The following RNF150 variants were observed in gnomAD, a reference collection of about 807,000 sequenced individuals.
The protein encoded by RNF150 is ring finger protein 150.
In RNF150, 24 loss-of-function variants were observed where a neutral mutation model predicts 39.3. The observed-to-expected ratio is 0.61, with a 90% CI of 0.44 to 0.86. The LOEUF is 0.86. Ranked by LOEUF, RNF150 falls within the 40% of genes least tolerant of loss-of-function variation. RNF150 has a pLI of 0.00. For synonymous variants in RNF150, 255 were observed against 227.3 expected (o/e 1.12, Z -1.10); for missense variants, 502 against 587.8 (o/e 0.85, Z 1.51).
chr4:140,976,414 G>A (rs1196808956), intron 1 of RNF150, among the ~76,000 whole-genome samples: 2 of 151,888 alleles, frequency 1.3e-5, no homozygotes, highest in Non-Finnish European at 2.9e-5. Flanking sequence ...GAATCTCAGT[G>A]TTTGCGAGGA....
At chr4:140,885,014 T>C (rs1291394183) in intron 6 of RNF150, among the ~76,000 whole-genome samples, 1 of 152,094 alleles carries the variant, frequency 6.6e-6, no homozygotes, top group Non-Finnish European at 1.5e-5. Context: ...CCAAAGACAA[T>C]TGGTCTATAC....
At chr4:140,915,734 G>A (rs955519512) in intron 5 of RNF150, among the ~76,000 whole-genome samples, 50 of 152,132 alleles carry the variant, frequency 3.3e-4, no homozygotes, top group Admixed American at 2.0e-3. Context: ...ATCTGAGAAC[G>A]GGCAGACTGC....
intron 2 of RNF150, among the ~76,000 whole-genome samples, chr4:140,960,863 C>CCAAGAA (rs1732993043): frequency 6.6e-6 from 1 of 152,092 alleles, no homozygotes; most frequent in Non-Finnish European, 1.5e-5. Context: ...CCAAGAATTG[C>CCAAGAA]TTTATCCACT....
At chr4:141,103,754 T>A (rs2111042548) in intron 1 of RNF150, among the ~76,000 whole-genome samples, 1 of 152,186 alleles carries the variant, frequency 6.6e-6, no homozygotes, top group Middle Eastern at 3.4e-3. Context: ...ACAACTAATA[T>A]AAAAGGTTAA....
At chr4:141,179,523 C>T (rs528516058) in intron 1 of RNF150, among the ~76,000 whole-genome samples, 1 of 152,200 alleles carries the variant, frequency 6.6e-6, no homozygotes, top group Non-Finnish European at 1.5e-5. Flanking sequence ...TGTCCTTTCA[C>T]AACTGCTTAA....
chr4:141,175,746 T>C lies in RNF150; in HGVS notation c.-6+37048A>G, dbSNP rs142688793. On this transcript the variant is annotated intron_variant, in intron 1 of 7. Coordinates refer to the RNF150 transcript ENST00000420921. ...AACAGAAATCTATTTCTCACAATTC[T>C]GGAGGCTGGAAGTTCAAGATCAAGT... is the stretch of plus-strand genomic sequence containing the variant. Among the ~76,000 whole-genome samples the C allele has an allele frequency of 8.7e-3, 1,330 of 152,344 alleles. 6 individuals are homozygous for C. The highest frequency in any genetic ancestry group is 0.014 in the Non-Finnish European group (942 of 68,032).
At chr4:140,972,159 T>C (rs1268136080) in intron 1 of RNF150, among the ~76,000 whole-genome samples, 2 of 152,164 alleles carry the variant, frequency 1.3e-5, no homozygotes, top group East Asian at 3.8e-4. Flanking sequence ...ATATTTTCTA[T>C]TTGTACACTT....
chr4:141,179,263 C>T (rs1727865188), intron 1 of RNF150, among the ~76,000 whole-genome samples: 2 of 152,008 alleles, frequency 1.3e-5, no homozygotes, highest in African/African-American at 2.4e-5. Flanking sequence ...ACTGTCTCCT[C>T]CTGGAATTTG....
At chr4:141,080,143 T>G (rs1046201814) in intron 1 of RNF150, among the ~76,000 whole-genome samples, 1 of 152,184 alleles carries the variant, frequency 6.6e-6, no homozygotes, top group Non-Finnish European at 1.5e-5. Flanking sequence ...AGAAAACCTC[T>G]TCCTAGGGAA....
chr4:141,157,241 TCA>T, intron 1 of RNF150, among the ~76,000 whole-genome samples: 2 of 152,274 alleles, frequency 1.3e-5, no homozygotes, highest in East Asian at 3.9e-4. Flanking sequence ...TAGGGGTGTG[TCA>T]CATCCTAGAA....
chr4:141,053,916 C>T (rs940602697), intron 1 of RNF150, among the ~76,000 whole-genome samples: 1 of 152,278 alleles, frequency 6.6e-6, no homozygotes, highest in African/African-American at 2.4e-5. Flanking sequence ...AGCACCTGAT[C>T]TGTGAGAGAA....
At chr4:140,879,370 A>T (rs991037115) in intron 6 of RNF150, among the ~76,000 whole-genome samples, 2 of 152,086 alleles carry the variant, frequency 1.3e-5, no homozygotes, top group African/African-American at 4.8e-5. Flanking sequence ...TGAACATGTG[A>T]TATCTTTCCA....
chr4:140,946,172 T>G (rs1176189478), intron 4 of RNF150, among the ~76,000 whole-genome samples: 1 of 152,218 alleles, frequency 6.6e-6, no homozygotes, highest in Non-Finnish European at 1.5e-5. Context: ...ATTGACGGCT[T>G]TGGCTGGGGC....
At chr4:141,109,620 A>C (rs1578739596) in intron 1 of RNF150, among the ~76,000 whole-genome samples, 2 of 152,222 alleles carry the variant, frequency 1.3e-5, no homozygotes, top group Middle Eastern at 3.4e-3. Flanking sequence ...TGAAGGGAAG[A>C]CAGTATACGG....
At chr4:141,171,918 C>T (rs1476900304) in intron 1 of RNF150, among the ~76,000 whole-genome samples, 4 of 152,174 alleles carry the variant, frequency 2.6e-5, no homozygotes, top group Non-Finnish European at 4.4e-5. Context: ...GGTGCTTCTT[C>T]TCATGTGAGC....
intron 1 of RNF150, among the ~76,000 whole-genome samples, chr4:141,206,814 A>G (rs1388801374): frequency 6.6e-6 from 1 of 152,002 alleles, no homozygotes; most frequent in Non-Finnish European, 1.5e-5. Flanking sequence ...GGGAAGAGAG[A>G]AGCCAGTAAG....
intron 1 of RNF150, among the ~76,000 whole-genome samples, chr4:140,984,993 G>C (rs1733975591): frequency 6.6e-6 from 1 of 152,010 alleles, no homozygotes; most frequent in Non-Finnish European, 1.5e-5. Context: ...TAAATAAATG[G>C]CTTGGCCCTG....
At chr4:141,093,830 G>A (rs1738682178) in intron 1 of RNF150, among the ~76,000 whole-genome samples, 1 of 152,018 alleles carries the variant, frequency 6.6e-6, no homozygotes, top group East Asian at 1.9e-4. Context: ...GAATCAAATA[G>A]GAAATGCCTG....
In RNF150 at chr4:141,027,912, GTTTT is replaced by G. The variant is rs749317137; in HGVS notation, c.485-60043_485-60040del. On this transcript the variant is annotated intron_variant, in intron 1 of 6. Coordinates refer to ENST00000515673, the MANE Select transcript of RNF150 (RefSeq NM_020724.2). The stretch of plus-strand genomic sequence containing the variant: ...TAGATAGTTAATGAGCTTGGAATTT[GTTTT>G]TTTTTTTTTGTTTTTTTTTTTTTTT... Among the ~76,000 whole-genome samples the G allele has an allele frequency of 7.8e-3, 211 of 27,102 alleles. 2 individuals are homozygous for G. Among genetic ancestry groups the G allele is most frequent in the African/African-American group, 0.022 (203 of 9,274 alleles). 17.8% of individuals were successfully genotyped at this position (27,102 alleles called of 152,430 possible).
Sources: gnomAD v4.1 joint callset for allele counts (sites outside exome capture counted in the v4.1 genomes callset) on GRCh38, gnomAD v4.1.1 for gene constraint, MANE v1.5 for transcripts, NCBI Gene and HGNC (gene_info 2026-07-23, HGNC 2026-07-21) for gene names.